TRPV1: variants seen among roughly 807,000 people sequenced by gnomAD.
TRPV1 encodes OTRPC1.
Under a neutral mutation model 82.3 loss-of-function variants are expected in TRPV1, and 82 were observed. The ratio of observed to expected loss-of-function variants is 1.00; its 90% CI spans 0.83 to 1.20. The LOEUF (loss-of-function observed/expected upper bound fraction) is 1.20, where lower values mean the gene tolerates loss of function less well. Ranked by LOEUF, TRPV1 falls within the 50% of genes most tolerant of loss-of-function variation. The pLI is 0.00. For synonymous variants in TRPV1, 515 were observed against 467.7 expected, an observed-to-expected ratio of 1.10 and a Z score of -1.30; for missense variants, 1,067 against 1,096.8, an observed-to-expected ratio of 0.97 and a Z score of 0.38.
chr17:3,594,144 A>G (rs1181528441), intron 2 of TRPV1, among the ~76,000 whole-genome samples: 1 of 123,512 alleles, frequency 8.1e-6, no homozygotes, highest in Non-Finnish European at 1.5e-5. Context: ...AAAAAAAAAA[A>G]AAAAAAAAGA....
chr17:3,574,976 G>C (rs577197648), intron 13 of TRPV1, among the ~76,000 whole-genome samples: 1 of 150,098 alleles, frequency 6.7e-6, no homozygotes, highest in South Asian at 2.1e-4. Context: ...GAGCCAGCTG[G>C]AAGGGACTCC....
chr17:3,600,981 C>T (rs1028292454), intron 2 of TRPV1, among the ~76,000 whole-genome samples: 2 of 152,146 alleles, frequency 1.3e-5, no homozygotes, highest in East Asian at 3.9e-4. Flanking sequence ...CCCTGAGCTC[C>T]ATCCCTGCCT....
At chr17:3,575,040 T>A (rs2074911273) in intron 13 of TRPV1, among the ~76,000 whole-genome samples, 1 of 152,018 alleles carries the variant, frequency 6.6e-6, no homozygotes, top group African/African-American at 2.4e-5. Flanking sequence ...TAGTAAGGAT[T>A]ATAACCCATT....
At chr17:3,576,668 A>AAAAAAAAAAAAAAAAATATATAT in intron 13 of TRPV1, among the ~76,000 whole-genome samples, 53 of 38,348 alleles carry the variant, frequency 1.4e-3, no homozygotes, top group Non-Finnish European at 2.1e-3. Flanking sequence ...AAAAAAAAAA[A>AAAAAAAAAAAAAAAAATATATAT]ATATATATAT....
At position 3,592,074 on chromosome 17, in the gene TRPV1, C is replaced by G; in HGVS notation, c.277G>C (p.Gly93Arg). ...CTCCAGACGCGGACTTACCTGGCAC[C>G]GGTGGGGCCGTCTCCTGGCCTCTGG... Reference protein sequence around the residue: ...TIQRPGDGPTGARLLSQDSVA... With the variant: ...TIQRPGDGPTRARLLSQDSVA... The change falls in exon 3 of 17, where the codon GGT becomes CGT. Residue 93 changes from glycine (G) to arginine (R), a missense_variant. Transcript: ENST00000572705. The G allele has an allele frequency of 6.2e-7, 1 of 1,610,994 alleles. No individual in the cohort carries two copies.
intron 2 of TRPV1, among the ~76,000 whole-genome samples, chr17:3,605,890 G>C (rs1567678189): frequency 6.6e-6 from 1 of 152,140 alleles, no homozygotes; most frequent in Non-Finnish European, 1.5e-5. Context: ...AGGCTACTGA[G>C]GCTGCTCTGC....
chr17:3,605,782 G>A (rs759668558), intron 2 of TRPV1, among the ~76,000 whole-genome samples: 9 of 152,008 alleles, frequency 5.9e-5, no homozygotes, highest in South Asian at 2.1e-4. Context: ...GAAATTCAAC[G>A]GGGGGCAGTC....
At chr17:3,568,616 C>T (rs985093673) in intron 16 of TRPV1, among the ~76,000 whole-genome samples, 5 of 152,120 alleles carry the variant, frequency 3.3e-5, no homozygotes, top group African/African-American at 7.2e-5. Context: ...GGCTAGCCAT[C>T]GTGCTGTCAA....
rs367962649 is a variant in TRPV1, at chr17:3,604,783, CCCA to C, written c.-34+3641_-34+3643del. Among the ~76,000 whole-genome samples the C allele has an allele frequency of 8.8e-4, 134 of 152,122 alleles. 4 individuals are homozygous for C. The East Asian group carries it at 0.023, about 26-fold the overall frequency. Reference sequence around the variant, plus strand: ...CTACCCTGCCCTGAACTGGGTCTGGCCCACCATCTCTCCAGGCTGTTTTACAGC... The same window carrying C: ...CTACCCTGCCCTGAACTGGGTCTGGCCCATCTCTCCAGGCTGTTTTACAGC... On this transcript the variant is annotated intron_variant, in intron 2 of 16. Coordinates refer to ENST00000572705, the MANE Select transcript of TRPV1 (RefSeq NM_080704.4).
intron 10 of TRPV1, among the ~76,000 whole-genome samples, chr17:3,582,473 C>T (rs545309735): frequency 2.6e-5 from 4 of 151,930 alleles, no homozygotes; most frequent in Non-Finnish European, 4.4e-5. Flanking sequence ...CTTTTTTGTA[C>T]GCAGCTAAGT....
At chr17:3,599,893 A>G (rs1299855772) in intron 2 of TRPV1, among the ~76,000 whole-genome samples, 6 of 152,180 alleles carry the variant, frequency 3.9e-5, no homozygotes, top group Non-Finnish European at 8.8e-5. Flanking sequence ...TGTTGGGATT[A>G]CAGGCATGAG....
At position 3,583,336 on chromosome 17, in the gene TRPV1, A is replaced by T; in HGVS notation, c.1476+2T>A. On this transcript the variant is annotated splice_donor_variant, in intron 10 of 16. Transcript: ENST00000572705. LOFTEE classifies it high-confidence loss of function. ...ACTCACAATGTGGGAAGGAACGCTT[A>T]CCCCTCGGAAAAAGAAGTAGACTCC... 1 of 1,605,722 alleles carries T rather than the reference A, an allele frequency of 6.2e-7. No homozygotes were observed. Among genetic ancestry groups the T allele is most frequent in the Non-Finnish European group, 8.5e-7 (1 of 1,175,846 alleles).
In TRPV1 at chr17:3,592,171, C is replaced by T. The variant is rs56095209; in HGVS notation, c.180G>A (p.Pro60=). The T allele has an allele frequency of 1.6e-3, 2,519 of 1,613,694 alleles. 15 individuals carry two copies. The East Asian group carries it at 0.019, about 12-fold the overall frequency. ...FGKGDSEEAF[P]VDCPHEEGEL... ...CACCTTCCTCGTGAGGGCAATCCAC[C>T]GGGAAAGCCTCCTCCGAGTCACCCT... Residue 60 remains proline, a synonymous_variant, in exon 3 of 17, where the codon CCG becomes CCA. Coordinates refer to ENST00000572705, the MANE Select transcript of TRPV1 (RefSeq NM_080704.4).
At chr17:3,600,505 C>T (rs1363641113) in intron 2 of TRPV1, among the ~76,000 whole-genome samples, 14 of 152,188 alleles carry the variant, frequency 9.2e-5, no homozygotes, top group Admixed American at 9.2e-4. Flanking sequence ...ACGAGAATCA[C>T]TTGAACCTGG....
At chr17:3,580,614 T>A (rs2074994933) in intron 10 of TRPV1, 87 bp from the exon 11 acceptor site, 1 of 1,392,858 alleles carries the variant, frequency 7.2e-7, no homozygotes, top group Admixed American at 1.7e-5. Flanking sequence ...AATGGCACCA[T>A]GATGGGGTGG....
chr17:3,592,451 C>T, intron 2 of TRPV1, 68 bp from the exon 3 acceptor site: 1 of 1,428,212 alleles, frequency 7.0e-7, no homozygotes, highest in Non-Finnish European at 9.3e-7. Flanking sequence ...CCCCACCTGC[C>T]CTCCTTGCCA....
At chr17:3,574,499 G>A (rs4790151) in intron 13 of TRPV1, among the ~76,000 whole-genome samples, 36,546 of 152,114 alleles carry the variant, frequency 0.24, 4,839 homozygotes, top group Non-Finnish European at 0.3. Flanking sequence ...AGGTGCCAGA[G>A]CCCACACCTA....
intron 10 of TRPV1, 47 bp from the exon 11 acceptor site, chr17:3,580,574 G>A: frequency 6.3e-7 from 1 of 1,590,718 alleles, no homozygotes; most frequent in African/African-American, 1.3e-5. Flanking sequence ...GCTCGATGTG[G>A]CTAAATGGTG....
At chr17:3,577,559 C>T (rs200769543) in intron 12 of TRPV1, 39 bp downstream of exon 12, 4 of 1,551,560 alleles carry the variant, frequency 2.6e-6, no homozygotes, top group Non-Finnish European at 3.5e-6. Context: ...ACGAGGTAAG[C>T]GGGCTCTGAG....
Sources: allele counts gnomAD v4.1 joint callset (sites outside exome capture counted in the v4.1 genomes callset), GRCh38; gene constraint gnomAD v4.1.1; transcripts MANE v1.5; gene names NCBI Gene and HGNC (gene_info 2026-07-23, HGNC 2026-07-21).